RBFOX1: variants seen among roughly 807,000 people sequenced by gnomAD.
RBFOX1 encodes RNA binding protein fox-1 homolog 1.
Under a neutral mutation model 57.7 loss-of-function variants are expected in RBFOX1, and 8 were observed. The observed-to-expected ratio is 0.14, with a 90% CI of 0.08 to 0.25. RBFOX1 has a LOEUF of 0.25. RBFOX1 is among the 10% of genes least tolerant of loss of function. The pLI is 1.00. For missense variants in RBFOX1, 611 were observed against 548.5 expected, an observed-to-expected ratio of 1.11 and a Z score of -1.14; for synonymous variants, 326 against 222.4, an observed-to-expected ratio of 1.47 and a Z score of -4.15.
intron 4 of RBFOX1, among the ~76,000 whole-genome samples, chr16:7,309,188 C>CT (rs1416500868): frequency 6.6e-6 from 1 of 152,218 alleles, no homozygotes; most frequent in Non-Finnish European, 1.5e-5. Flanking sequence ...GTTAACCAAT[C>CT]TTTCTTGTTT....
chr16:5,296,530 C>A (rs1233596013), intron 1 of RBFOX1, among the ~76,000 whole-genome samples: 1 of 151,390 alleles, frequency 6.6e-6, no homozygotes, highest in Non-Finnish European at 1.5e-5. Flanking sequence ...TGGTTCTCAG[C>A]AGTTCAATAG....
At chr16:5,649,880 G>C (rs1010734953) in intron 3 of RBFOX1, among the ~76,000 whole-genome samples, 27 of 152,184 alleles carry the variant, frequency 1.8e-4, no homozygotes, top group African/African-American at 6.5e-4. Context: ...CCTTCACACT[G>C]TGCAGATTAT....
intron 1 of RBFOX1, among the ~76,000 whole-genome samples, chr16:6,118,273 C>T (rs1048547349): frequency 1.3e-5 from 2 of 152,142 alleles, no homozygotes; most frequent in African/African-American, 2.4e-5. Context: ...TTTTTAGTTG[C>T]CATATCACCT....
intron 4 of RBFOX1, among the ~76,000 whole-genome samples, chr16:7,187,639 A>C (rs2084219767): frequency 7.8e-6 from 1 of 127,800 alleles, no homozygotes; most frequent in Non-Finnish European, 1.6e-5. Flanking sequence ...CAGTGAGCCG[A>C]GATCGTGCCA....
At chr16:5,468,085 C>T (rs937067955) in intron 2 of RBFOX1, among the ~76,000 whole-genome samples, 12 of 152,116 alleles carry the variant, frequency 7.9e-5, no homozygotes, top group African/African-American at 2.9e-4. Flanking sequence ...TCTTGTTCCT[C>T]CTCCCACCCC....
chr16:6,351,570 C>T lies in RBFOX1; in HGVS notation c.-64+34513C>T, dbSNP rs146369786. The stretch of plus-strand genomic sequence containing the variant: ...TGTGATTTTGGTAGAGACAGGGTTT[C>T]ACTATTTTGGCCAGGGTGGTCTCGA... On this transcript the variant is annotated intron_variant, in intron 2 of 15. Coordinates refer to ENST00000550418, the MANE Select transcript of RBFOX1 (RefSeq NM_018723.4). Among the ~76,000 whole-genome samples, 490 of 151,754 alleles carry T rather than the reference C, an allele frequency of 3.2e-3. 3 individuals carry two copies. The highest frequency in any genetic ancestry group is 5.8e-3 in the Non-Finnish European group (393 of 67,940).
chr16:6,520,334 G>C (rs1258087077), intron 2 of RBFOX1, among the ~76,000 whole-genome samples: 3 of 152,136 alleles, frequency 2.0e-5, no homozygotes, highest in Non-Finnish European at 4.4e-5. Context: ...CAAAATCCTT[G>C]TGAGGAATTC....
chr16:5,386,377 G>A (rs572869751), intron 1 of RBFOX1, among the ~76,000 whole-genome samples: 5 of 152,136 alleles, frequency 3.3e-5, no homozygotes, highest in South Asian at 2.1e-4. Context: ...AAAGGTAGAC[G>A]GCCTCAGGTG....
At chr16:6,513,119 C>T (rs1242474516) in intron 2 of RBFOX1, among the ~76,000 whole-genome samples, 1 of 152,214 alleles carries the variant, frequency 6.6e-6, no homozygotes, top group East Asian at 1.9e-4. Flanking sequence ...CCCAGCTCTA[C>T]CACCCATTCT....
intron 3 of RBFOX1, among the ~76,000 whole-genome samples, chr16:5,793,757 G>A (rs1478638450): frequency 4.6e-5 from 7 of 151,894 alleles, no homozygotes; most frequent in South Asian, 2.1e-4. Context: ...GTGTGTGTGT[G>A]CATGCATGCA....
intron 3 of RBFOX1, among the ~76,000 whole-genome samples, chr16:5,779,759 C>T (rs937889093): frequency 1.3e-5 from 2 of 152,072 alleles, no homozygotes; most frequent in African/African-American, 4.8e-5. Context: ...TGCAGAATAC[C>T]CTGATAATGA....
intron 4 of RBFOX1, among the ~76,000 whole-genome samples, chr16:5,867,492 G>A (rs2057370982): frequency 6.6e-6 from 1 of 152,014 alleles, no homozygotes; most frequent in African/African-American, 2.4e-5. Flanking sequence ...TGTGCTGCTG[G>A]GTTTTGGGGT....
intron 2 of RBFOX1, among the ~76,000 whole-genome samples, chr16:6,444,944 GA>G (rs538040878): frequency 1.3e-5 from 2 of 152,240 alleles, no homozygotes; most frequent in South Asian, 4.2e-4. Flanking sequence ...GCTGAGTGGA[GA>G]ATGGATTTGA....
chr16:6,894,859 C>A (rs1053483886), intron 3 of RBFOX1, among the ~76,000 whole-genome samples: 1 of 152,100 alleles, frequency 6.6e-6, no homozygotes, highest in Admixed American at 6.6e-5. Context: ...TAATTCTCTG[C>A]CACAGTTCTC....
At chr16:7,059,945 A>C (rs148623612) in intron 4 of RBFOX1, among the ~76,000 whole-genome samples, 1 of 152,208 alleles carries the variant, frequency 6.6e-6, no homozygotes, top group Non-Finnish European at 1.5e-5. Context: ...TGAAAACACG[A>C]TTCAAAAATT....
chr16:6,125,766 T>C (rs1312449416), intron 1 of RBFOX1, among the ~76,000 whole-genome samples: 2 of 152,156 alleles, frequency 1.3e-5, no homozygotes, highest in African/African-American at 4.8e-5. Flanking sequence ...TGGCTCGCTC[T>C]CTGTGGGATG....
intron 1 of RBFOX1, among the ~76,000 whole-genome samples, chr16:5,392,739 G>A (rs2066447685): frequency 6.6e-6 from 1 of 151,976 alleles, no homozygotes; most frequent in Non-Finnish European, 1.5e-5. Flanking sequence ...AGAAACAAAT[G>A]TGCTCATCTA....
chr16:6,368,451 C>T (rs564732236), intron 2 of RBFOX1, among the ~76,000 whole-genome samples: 2 of 152,300 alleles, frequency 1.3e-5, no homozygotes, highest in East Asian at 3.9e-4. Context: ...TGTGATTACA[C>T]GGATCGTGCT....
intron 3 of RBFOX1, among the ~76,000 whole-genome samples, chr16:5,737,520 C>G (rs1478408705): frequency 7.3e-6 from 1 of 136,624 alleles, no homozygotes; most frequent in Non-Finnish European, 1.6e-5. Context: ...CAAAAATATT[C>G]TGGATTTTTT....
Sources: gnomAD v4.1 joint callset for allele counts (sites outside exome capture counted in the v4.1 genomes callset) on GRCh38, gnomAD v4.1.1 for gene constraint, MANE v1.5 for transcripts, NCBI Gene and HGNC (gene_info 2026-07-23, HGNC 2026-07-21) for gene names.